Variants in EYA4 observed in about 807,000 individuals in gnomAD.
EYA4 encodes the protein EYA transcriptional coactivator and phosphatase 4.
EYA4 carries 31 observed loss-of-function variants against 87.9 expected under a neutral mutation model. The ratio of observed to expected loss-of-function variants is 0.35; its 90% CI spans 0.27 to 0.48. The LOEUF (loss-of-function observed/expected upper bound fraction) is 0.48. EYA4 is among the 20% of genes least tolerant of loss of function. The pLI is 0.99. For missense variants in EYA4, 678 were observed against 761.4 expected, an observed-to-expected ratio of 0.89 and a Z score of 1.29; for synonymous variants, 263 against 270.6, an observed-to-expected ratio of 0.97 and a Z score of 0.28.
intron 2 of EYA4, among the ~76,000 whole-genome samples, chr6:133,275,546 C>CTT (rs369470483): frequency 0.044 from 6,279 of 142,150 alleles, 478 homozygotes; most frequent in African/African-American, 0.15. Context: ...GATGCTGTTC[C>CTT]TTTTTTTTTT....
At chr6:133,439,137 G>A (rs1792020518) in intron 3 of EYA4, among the ~76,000 whole-genome samples, 2 of 150,370 alleles carry the variant, frequency 1.3e-5, no homozygotes, top group Admixed American at 6.7e-5. Context: ...AGCATTGACT[G>A]TAATTAAGTC....
At chr6:133,439,013 G>C (rs998764437) in intron 3 of EYA4, among the ~76,000 whole-genome samples, 1 of 116,290 alleles carries the variant, frequency 8.6e-6, no homozygotes, top group African/African-American at 3.3e-5. Context: ...CTGCACTACT[G>C]TACTCCAGCC....
At chr6:133,314,145 T>C (rs1780449621) in intron 2 of EYA4, among the ~76,000 whole-genome samples, 1 of 152,158 alleles carries the variant, frequency 6.6e-6, no homozygotes, top group Admixed American at 6.5e-5. Context: ...GGTTAAATCA[T>C]TCATCTGTTG....
intron 1 of EYA4, among the ~76,000 whole-genome samples, chr6:133,273,862 A>G (rs952460134): frequency 6.6e-6 from 1 of 151,864 alleles, no homozygotes; most frequent in Non-Finnish European, 1.5e-5. Flanking sequence ...TTGCACAGGT[A>G]TTTCTAGATT....
intron 3 of EYA4, among the ~76,000 whole-genome samples, chr6:133,410,284 G>A (rs972300867): frequency 2.0e-5 from 3 of 151,974 alleles, no homozygotes; most frequent in Non-Finnish European, 4.4e-5. Context: ...TAAAATGTTC[G>A]TGTAAAGTAA....
In EYA4 at chr6:133,528,681, C is replaced by A. The variant is rs188210194; in HGVS notation, c.1840-44C>A. ...TTGTGATCTCTCTCCATGCCTCATT[C>A]CTTCCCCTTCTCTCTCCCATCCCTC... On this transcript the variant is annotated intron_variant, in intron 19 of 19. Coordinates refer to ENST00000355286, the MANE Select transcript of EYA4 (RefSeq NM_004100.5). 311 of 1,303,452 alleles carry A rather than the reference C, an allele frequency of 2.4e-4. No homozygotes were observed. The African/African-American group carries it at 4.0e-3, about 17-fold the overall frequency. The allele number at this position is 1,303,452 out of a possible 1,614,324, so 80.7% of individuals were successfully genotyped here.
intron 2 of EYA4, among the ~76,000 whole-genome samples, chr6:133,293,729 G>A (rs1240015947): frequency 6.6e-6 from 1 of 151,638 alleles, no homozygotes. Context: ...TGAGCCCAGG[G>A]GTTCGACACC....
intron 2 of EYA4, among the ~76,000 whole-genome samples, chr6:133,315,786 T>C (rs1243972508): frequency 6.6e-6 from 1 of 152,188 alleles, no homozygotes; most frequent in Non-Finnish European, 1.5e-5. Flanking sequence ...TTTACATTCA[T>C]TTTAAAAGCA....
intron 1 of EYA4, among the ~76,000 whole-genome samples, chr6:133,270,441 A>G (rs956060590): frequency 6.6e-6 from 1 of 152,264 alleles, no homozygotes; most frequent in African/African-American, 2.4e-5. Context: ...GGAAAAGGAA[A>G]TAAAGGTATT....
intron 2 of EYA4, among the ~76,000 whole-genome samples, chr6:133,369,033 A>G (rs1785066808): frequency 1.3e-5 from 2 of 152,232 alleles, no homozygotes; most frequent in Admixed American, 1.3e-4. Context: ...AGAAAAAAAG[A>G]AATAAACTCA....
intron 2 of EYA4, among the ~76,000 whole-genome samples, chr6:133,346,164 C>A (rs117258173): frequency 2.5e-4 from 38 of 152,246 alleles, no homozygotes; most frequent in Admixed American, 7.8e-4. Context: ...TTGGTTTATA[C>A]GTTAGTCTTT....
intron 1 of EYA4, among the ~76,000 whole-genome samples, chr6:133,262,119 A>T (rs781344640): frequency 6.6e-6 from 1 of 152,176 alleles, no homozygotes; most frequent in Non-Finnish European, 1.5e-5. Flanking sequence ...CTATTCTTAA[A>T]TTCTCTCAAA....
At chr6:133,452,000 T>G (rs964137986) in intron 5 of EYA4, among the ~76,000 whole-genome samples, 2 of 152,144 alleles carry the variant, frequency 1.3e-5, no homozygotes, top group Non-Finnish European at 2.9e-5. Flanking sequence ...TCAAATTATT[T>G]TACAAAATTA....
At chr6:133,252,993 A>ACTCACT (rs1554208785) in intron 1 of EYA4, among the ~76,000 whole-genome samples, 2 of 141,594 alleles carry the variant, frequency 1.4e-5, no homozygotes, top group Non-Finnish European at 3.1e-5. Flanking sequence ...ACACACACTC[A>ACTCACT]CTCTCTCTCT....
chr6:133,528,975 T>C lies in EYA4; in HGVS notation c.*170T>C. ...CAGATTGCTGAATGGAGTTAAACTT[T>C]AGTGCTACAGAAAAGAAACTCTATG... On this transcript the variant is annotated 3_prime_UTR_variant, in exon 20 of 20. Transcript: ENST00000355286. 6.1e-6 allele frequency: 9 copies of C among 1,467,104 alleles called. No homozygotes were observed. Among genetic ancestry groups the C allele is most frequent in the South Asian group, 1.3e-5 (1 of 75,158 alleles). 90.9% of individuals were successfully genotyped at this position (1,467,104 alleles called of 1,614,324 possible). A position where few individuals can be genotyped will look rare whatever the true frequency, so the allele number is the denominator to read the frequency against.
intron 11 of EYA4, among the ~76,000 whole-genome samples, chr6:133,476,181 T>G (rs76220512): frequency 6.6e-6 from 1 of 152,062 alleles, no homozygotes; most frequent in Non-Finnish European, 1.5e-5. Context: ...TGTTTTGAAA[T>G]ACATTTATAT....
chr6:133,512,253 A>G (rs975574176), intron 14 of EYA4, among the ~76,000 whole-genome samples: 1 of 152,174 alleles, frequency 6.6e-6, no homozygotes, highest in South Asian at 2.1e-4. Context: ...TGGAAATTCC[A>G]CAGGACACCA....
intron 2 of EYA4, among the ~76,000 whole-genome samples, chr6:133,339,444 A>T (rs1349319274): frequency 1.3e-5 from 2 of 152,218 alleles, no homozygotes; most frequent in Non-Finnish European, 2.9e-5. Flanking sequence ...GTACAGAGCC[A>T]TTAGTGGAAG....
chr6:133,357,231 AC>A (rs1784127672), intron 2 of EYA4, among the ~76,000 whole-genome samples: 1 of 137,652 alleles, frequency 7.3e-6, no homozygotes, highest in South Asian at 2.3e-4. Context: ...AGATCCCGCC[AC>A]TGCACTCCAG....
Sources: gnomAD v4.1 joint callset for allele counts (sites outside exome capture counted in the v4.1 genomes callset) on GRCh38, gnomAD v4.1.1 for gene constraint, MANE v1.5 for transcripts, NCBI Gene and HGNC (gene_info 2026-07-23, HGNC 2026-07-21) for gene names.